The following ANKRD55 variants were observed in gnomAD, a reference collection of about 807,000 sequenced individuals.
The protein encoded by ANKRD55 is ankyrin repeat domain 55, also known as ankyrin repeat domain-containing protein 55.
Under a neutral mutation model 60.6 loss-of-function variants are expected in ANKRD55, and 41 were observed. The observed-to-expected ratio is 0.68, with a 90% CI of 0.53 to 0.88. ANKRD55 has a LOEUF of 0.88. Among genes scored for constraint, ANKRD55 ranks in the 40% least tolerant of loss-of-function variants. The pLI is 0.00. For missense variants in ANKRD55, 732 were observed against 767.6 expected, an observed-to-expected ratio of 0.95 and a Z score of 0.55; for synonymous variants, 264 against 290.3, an observed-to-expected ratio of 0.91 and a Z score of 0.92.
chr5:56,194,894 C>T (rs987161882), intron 2 of ANKRD55, among the ~76,000 whole-genome samples: 20 of 152,168 alleles, frequency 1.3e-4, no homozygotes, highest in African/African-American at 4.8e-4. Flanking sequence ...TGATTTCTTT[C>T]ATTCTCATCC....
chr5:56,214,153 C>T (rs1341021462), intron 2 of ANKRD55, among the ~76,000 whole-genome samples: 7 of 152,222 alleles, frequency 4.6e-5, no homozygotes, highest in Non-Finnish European at 8.8e-5. Flanking sequence ...ATTCAATTAT[C>T]TCCACCTGGC....
chr5:56,194,696 A>C (rs2111848346), intron 2 of ANKRD55, among the ~76,000 whole-genome samples: 1 of 152,326 alleles, frequency 6.6e-6, no homozygotes, highest in Non-Finnish European at 1.5e-5. Flanking sequence ...TACTCAAAGT[A>C]TTCACAGCAT....
intron 6 of ANKRD55, among the ~76,000 whole-genome samples, chr5:56,149,245 A>G (rs113066051): frequency 6.6e-5 from 10 of 152,254 alleles, no homozygotes; most frequent in Non-Finnish European, 1.2e-4. Context: ...ATAGCCAAAG[A>G]CTGTAACTGA....
intron 2 of ANKRD55, among the ~76,000 whole-genome samples, chr5:56,203,861 T>C (rs1270979788): frequency 6.6e-6 from 1 of 152,202 alleles, no homozygotes; most frequent in Non-Finnish European, 1.5e-5. Flanking sequence ...AGTAATGGGA[T>C]GGCTGGGTCA....
At chr5:56,181,099 C>A (rs1224033473) in intron 3 of ANKRD55, among the ~76,000 whole-genome samples, 5 of 152,168 alleles carry the variant, frequency 3.3e-5, no homozygotes, top group Non-Finnish European at 5.9e-5. Context: ...ACTCAGGAGT[C>A]TGAGGCAGAA....
intron 10 of ANKRD55, among the ~76,000 whole-genome samples, chr5:56,105,109 C>G (rs1191374423): frequency 7.0e-6 from 1 of 141,978 alleles, no homozygotes; most frequent in Non-Finnish European, 1.5e-5. Context: ...TTTTTGGAGA[C>G]AGTGTCTCAC....
Position 56,183,524 on chromosome 5 carries a change from A to T in ANKRD55, c.169T>A (p.Cys57Ser), listed in dbSNP as rs777124368. Residue 57 changes from cysteine to serine, a missense_variant, in exon 3 of 12, where the codon TGT (cysteine) becomes AGT (serine). Physicochemically the swap from Cys to Ser is moderately radical, Grantham distance 112. This residue lies in a region of ANKRD55 where 131 missense variants were observed against 142.7 expected (regional missense o/e 0.92). Coordinates refer to ENST00000341048, the MANE Select transcript of ANKRD55 (RefSeq NM_024669.3). ...ATACATATCTCACCTTCACTGTCAC[A>T]GCATTCTAGGATAGAAGGGTCTTCC... ...IREDPSILEC[C>S]DSEGCTPLMH... is the part of the protein sequence containing the mutation. The T allele has an allele frequency of 1.9e-6, 3 of 1,614,056 alleles. No homozygotes were observed. The Admixed American group carries it at 5.0e-5, about 27-fold the overall frequency.
intron 2 of ANKRD55, among the ~76,000 whole-genome samples, chr5:56,187,874 G>A (rs1192400343): frequency 3.3e-5 from 5 of 150,250 alleles, no homozygotes; most frequent in African/African-American, 1.3e-4. Context: ...CATCTTGGAA[G>A]CCCCCCGCCA....
At chr5:56,183,711 C>T in intron 2 of ANKRD55, 77 bp from the exon 3 acceptor site, 2 of 1,564,138 alleles carry the variant, frequency 1.3e-6, no homozygotes, top group South Asian at 1.2e-5. Flanking sequence ...AAGTCGTCAC[C>T]CACACAAGTG....
At position 56,229,093 on chromosome 5, in the gene ANKRD55, G is replaced by GTT. The variant is rs77788173; in HGVS notation, c.58+3761_58+3762dup. On this transcript the variant is annotated intron_variant, in intron 2 of 11. Coordinates refer to ENST00000341048, the MANE Select transcript of ANKRD55 (RefSeq NM_024669.3). ...CCCACCTCCCGCCGACCCCTCGCCT[G>GTT]TTTTTTTTTTTTTTTTTCCCTGTTT... Among the ~76,000 whole-genome samples, 1,162 of 126,714 alleles carry GTT rather than the reference G, an allele frequency of 9.2e-3. 11 individuals carry two copies. Among genetic ancestry groups the GTT allele is most frequent in the African/African-American group, 0.017 (574 of 33,710 alleles). 83.1% of individuals were successfully genotyped at this position (126,714 alleles called of 152,430 possible). A position where few individuals can be genotyped will look rare whatever the true frequency, so the allele number is the denominator to read the frequency against.
intron 5 of ANKRD55, chr5:56,161,845 A>G (rs1293008898): frequency 2.5e-6 from 1 of 395,560 alleles, no homozygotes; most frequent in Admixed American, 6.4e-5. Flanking sequence ...ATGCTCTCTG[A>G]ATTCTAGATG....
At chr5:56,140,616 C>T (rs920109104) in intron 7 of ANKRD55, among the ~76,000 whole-genome samples, 4 of 152,144 alleles carry the variant, frequency 2.6e-5, no homozygotes, top group Admixed American at 6.5e-5. Flanking sequence ...AATAAATGAA[C>T]GAGGCATTAT....
intron 6 of ANKRD55, among the ~76,000 whole-genome samples, chr5:56,154,254 T>C (rs910012118): frequency 6.6e-6 from 1 of 151,924 alleles, no homozygotes; most frequent in African/African-American, 2.4e-5. Context: ...TGGTACCTTT[T>C]TTTAAACAAT....
At chr5:56,190,345 G>T (rs1403405174) in intron 2 of ANKRD55, among the ~76,000 whole-genome samples, 1 of 152,040 alleles carries the variant, frequency 6.6e-6, no homozygotes, top group Admixed American at 6.6e-5. Flanking sequence ...CTAATTTGTT[G>T]ATTTTTTCTT....
chr5:56,116,801 A>G lies in ANKRD55; in HGVS notation c.798-19T>C. The G allele has an allele frequency of 2.5e-6, 4 of 1,583,708 alleles. No individual in the cohort carries two copies. The highest frequency in any genetic ancestry group is 3.4e-6 in the Non-Finnish European group (4 of 1,166,404). ...AGGTGTCCTGGAGGGGCCATGTGAA[A>G]AAAGCACAAGCGTCTGAGCATGTGA... On this transcript the variant is annotated intron_variant, in intron 8 of 11. Coordinates refer to ENST00000341048, the MANE Select transcript of ANKRD55 (RefSeq NM_024669.3).
intron 6 of ANKRD55, among the ~76,000 whole-genome samples, chr5:56,154,869 G>A (rs1055351382): frequency 6.6e-6 from 1 of 152,126 alleles, no homozygotes; most frequent in Non-Finnish European, 1.5e-5. Flanking sequence ...GATTACAGGC[G>A]TGAGCCGTGG....
intron 9 of ANKRD55, among the ~76,000 whole-genome samples, chr5:56,112,367 TA>T (rs1170983426): frequency 6.6e-6 from 1 of 151,572 alleles, no homozygotes; most frequent in Non-Finnish European, 1.5e-5. Context: ...AAAGTACTTT[TA>T]AAAAAAGTAT....
At chr5:56,172,312 T>A (rs542515467) in intron 4 of ANKRD55, among the ~76,000 whole-genome samples, 44 of 152,294 alleles carry the variant, frequency 2.9e-4, no homozygotes, top group African/African-American at 8.9e-4. Flanking sequence ...TAGAAGCAAG[T>A]ATTTTTCTGG....
chr5:56,131,283 A>G (rs1408843917), intron 7 of ANKRD55, among the ~76,000 whole-genome samples: 1 of 152,256 alleles, frequency 6.6e-6, no homozygotes, highest in Non-Finnish European at 1.5e-5. Flanking sequence ...TTACCTATAG[A>G]GGAGCAAAGA....
Sources: allele counts gnomAD v4.1 joint callset (sites outside exome capture counted in the v4.1 genomes callset), GRCh38; gene constraint gnomAD v4.1.1; regional missense constraint gnomAD v4.1.1; transcripts MANE v1.5; gene names NCBI Gene and HGNC (gene_info 2026-07-23, HGNC 2026-07-21).